The following FOXN4 variants were observed in gnomAD, a reference collection of about 807,000 sequenced individuals.
FOXN4 encodes the protein forkhead box protein N4.
FOXN4 carries 12 observed loss-of-function variants against 45.0 expected under a neutral mutation model. The observed-to-expected ratio is 0.27, with a 90% CI of 0.17 to 0.43. The LOEUF (loss-of-function observed/expected upper bound fraction) is 0.43. FOXN4 is among the 20% of genes least tolerant of loss of function. The pLI, the probability that FOXN4 is intolerant of heterozygous loss-of-function variation, is 1.00. For synonymous variants in FOXN4, 297 were observed against 295.0 expected (o/e 1.01, Z -0.07); for missense variants, 560 against 694.9 (o/e 0.81, Z 2.18).
chr12:109,305,878 C>A (rs1566006344), intron 2 of FOXN4, among the ~76,000 whole-genome samples: 3 of 152,200 alleles, frequency 2.0e-5, no homozygotes, highest in Non-Finnish European at 4.4e-5. Flanking sequence ...CTCCTCCCCA[C>A]TCCCCAACTC....
At chr12:109,307,584 G>T (rs529639695) in intron 2 of FOXN4, among the ~76,000 whole-genome samples, 123 of 152,218 alleles carry the variant, frequency 8.1e-4, no homozygotes, top group Admixed American at 2.2e-3. Flanking sequence ...TATGATGTTT[G>T]AAGACAAAAA....
intron 2 of FOXN4, among the ~76,000 whole-genome samples, chr12:109,304,278 A>G (rs1246567673): frequency 1.0e-3 from 84 of 83,720 alleles, no homozygotes; most frequent in African/African-American, 3.8e-3. Flanking sequence ...AAAGAAAGAA[A>G]GAAAGAAAGA....
rs200038706 is a variant in FOXN4, at chr12:109,281,833, A to C, written c.902-34T>G. 27 of 1,520,748 alleles carry C rather than the reference A, an allele frequency of 1.8e-5. No individual in the cohort carries two copies. The African/African-American group carries it at 3.6e-4, about 20-fold the overall frequency. The allele number at this position is 1,520,748 out of a possible 1,614,324, so 94.2% of individuals were successfully genotyped here. On this transcript the variant is annotated intron_variant, in intron 8 of 9. Transcript: ENST00000299162. ...AAGTGGGAGAGGTCACTCAGAACCC[A>C]CCCAGCAGTTACCGGGCCCCAGCCC...
intron 2 of FOXN4, among the ~76,000 whole-genome samples, chr12:109,303,919 A>C (rs1313523574): frequency 6.6e-6 from 1 of 152,094 alleles, no homozygotes; most frequent in Non-Finnish European, 1.5e-5. Flanking sequence ...TTACTATAAA[A>C]AAGTGGCACG....
At chr12:109,297,393 T>G (rs186970296) in intron 2 of FOXN4, among the ~76,000 whole-genome samples, 39 of 152,360 alleles carry the variant, frequency 2.6e-4, no homozygotes, top group Admixed American at 2.3e-3. Context: ...CAGGCTGGAG[T>G]GCAGTGGCAT....
chr12:109,304,221 G>GAA (rs1555244327), intron 2 of FOXN4, among the ~76,000 whole-genome samples: 2 of 82,480 alleles, frequency 2.4e-5, no homozygotes, highest in Non-Finnish European at 4.6e-5. Context: ...AGAAAAGAAA[G>GAA]AGAAAGAAAG....
In FOXN4 at chr12:109,287,983, G is replaced by C; in HGVS notation, c.358-29C>G. On this transcript the variant is annotated intron_variant, in intron 4 of 9. Transcript: ENST00000299162. This position sits in a 1 kb window ranked among gnomAD's most constrained non-coding sequence, Gnocchi z 4.1. ...CTGGGCAGGAAGAGGAGGAGACAGA[G>C]GGTCACGGTGGGGGTAGACACCCAG... The C allele has an allele frequency of 6.5e-7, 1 of 1,549,658 alleles. No homozygotes were observed. Among genetic ancestry groups the C allele is most frequent in the African/African-American group, 1.4e-5 (1 of 73,176 alleles).
Position 109,281,464 on chromosome 12 carries a change from C to T in FOXN4, c.1237G>A (p.Asp413Asn), listed in dbSNP as rs369321450. 184 of 1,613,842 alleles carry T rather than the reference C, an allele frequency of 1.1e-4. No homozygotes were observed. Among genetic ancestry groups the T allele is most frequent in the Non-Finnish European group, 1.2e-4 (139 of 1,179,904 alleles). The change falls in exon 9 of 10, where the codon GAC becomes AAC. Residue 413 changes from aspartate to asparagine, a missense_variant. By Grantham distance (23) the Asp-to-Asn change is conservative. This residue lies in a region of FOXN4 where 315 missense variants were observed against 350.5 expected (regional missense o/e 0.90). Transcript: ENST00000299162. Reference protein sequence around the residue: ...APVDFINISTDMNTEVDALDP... With the variant: ...APVDFINISTNMNTEVDALDP... ...AGGGCATCCACCTCAGTGTTCATGT[C>T]GGTGCTGATGTTGATGAAGTCTACA...
chr12:109,300,763 G>A (rs1215301593), intron 2 of FOXN4, among the ~76,000 whole-genome samples: 1 of 152,066 alleles, frequency 6.6e-6, no homozygotes, highest in East Asian at 1.9e-4. Context: ...TTTTAAATTA[G>A]CCAGGCATGG....
At chr12:109,284,566 T>C (rs527610850) in intron 8 of FOXN4, among the ~76,000 whole-genome samples, 106 of 151,588 alleles carry the variant, frequency 7.0e-4, no homozygotes, top group African/African-American at 2.4e-3. Context: ...CACGTGTGTG[T>C]GCGTGCGTGT....
Position 109,278,762 on chromosome 12 carries a change from G to T in FOXN4, c.*909C>A, listed in dbSNP as rs2047626957. On this transcript the variant is annotated 3_prime_UTR_variant, in exon 10 of 10. Transcript: ENST00000299162. ...ACATGCAAGAAGAGATGTGAATCATGAACAGGTAGAAAAATATCTGGTCTC... is the reference window on the plus strand; with the variant it reads ...ACATGCAAGAAGAGATGTGAATCATTAACAGGTAGAAAAATATCTGGTCTC... The T allele has an allele frequency of 6.6e-6, 1 of 151,970 alleles. No homozygotes were observed. The highest frequency in any genetic ancestry group is 2.4e-5 in the African/African-American group (1 of 41,358). The allele number at this position is 151,970 out of a possible 1,614,324, so 9.4% of individuals were successfully genotyped here.
Position 109,288,043 on chromosome 12 carries a change from C to T in FOXN4, c.357+13G>A. 5.2e-6 allele frequency: 8 copies of T among 1,550,290 alleles called. No homozygotes were observed. The highest frequency in any genetic ancestry group is 2.4e-5 in the South Asian group (2 of 83,988). On this transcript the variant is annotated intron_variant, in intron 4 of 9. Transcript: ENST00000299162. The surrounding 1 kb of genome is among the most constrained non-coding windows in gnomAD (Gnocchi z 4.3). ...CACTACCCGCCCTCCGCAGTCCATG[C>T]AGTGCCACTTACGCTGTCTCTGTGG...
At chr12:109,297,258 A>T (rs1038255778) in intron 2 of FOXN4, among the ~76,000 whole-genome samples, 1 of 152,398 alleles carries the variant, frequency 6.6e-6, no homozygotes, top group South Asian at 2.1e-4. Context: ...CAGCGGCATT[A>T]GATTCTCACG....
In FOXN4 at chr12:109,281,923, A is replaced by G. The variant is rs375408256; in HGVS notation, c.902-124T>C. 799 of 1,122,592 alleles carry G rather than the reference A, an allele frequency of 7.1e-4. 12 individuals are homozygous for G. The South Asian group carries it at 0.012, about 18-fold the overall frequency. The allele number at this position is 1,122,592 out of a possible 1,614,324, so 69.5% of individuals were successfully genotyped here. A position where few individuals can be genotyped will look rare whatever the true frequency, so the allele number is the denominator to read the frequency against. The stretch of plus-strand genomic sequence containing the variant: ...CTTAGCAAGCCTCTTGGACACTCAG[A>G]ACCTCTGTCTCCTCACCTATGAAAT... On this transcript the variant is annotated intron_variant, in intron 8 of 9. Coordinates refer to ENST00000299162, the MANE Select transcript of FOXN4 (RefSeq NM_213596.3).
chr12:109,288,330 G>GGGAA lies in FOXN4; in HGVS notation c.233-151_233-150insTTCC. 1 of 1,125,564 alleles carries GGGAA rather than the reference G, an allele frequency of 8.9e-7. No homozygotes were observed. Among genetic ancestry groups the GGGAA allele is most frequent in the Non-Finnish European group, 1.2e-6 (1 of 815,706 alleles). The allele number at this position is 1,125,564 out of a possible 1,614,324, so 69.7% of individuals were successfully genotyped here. A position where few individuals can be genotyped will look rare whatever the true frequency, so the allele number is the denominator to read the frequency against. On this transcript the variant is annotated intron_variant, in intron 3 of 9. Coordinates refer to ENST00000299162, the MANE Select transcript of FOXN4 (RefSeq NM_213596.3). This position sits in a 1 kb window ranked among gnomAD's most constrained non-coding sequence, Gnocchi z 4.3. ...TAGGTGCTTGGCAAATCACTTCCCTGGTGTGTAGTGAAAAGTAGGTTCTTA... is the reference window on the plus strand; with the variant it reads ...TAGGTGCTTGGCAAATCACTTCCCTGGGAAGTGTGTAGTGAAAAGTAGGTTCTTA...
intron 8 of FOXN4, among the ~76,000 whole-genome samples, chr12:109,283,664 T>TG (rs1349091793): frequency 3.9e-5 from 6 of 152,034 alleles, no homozygotes. Flanking sequence ...TTAGTAGAGA[T>TG]GGGGTTTCAC....
chr12:109,300,308 G>A (rs1375792487), intron 2 of FOXN4, among the ~76,000 whole-genome samples: 1 of 152,172 alleles, frequency 6.6e-6, no homozygotes, highest in African/African-American at 2.4e-5. Context: ...ATAACTTTCT[G>A]ATTGACGCCA....
rs746934651 is a variant in FOXN4 at position 109,288,186 on chromosome 12, G to A, written c.233-6C>T. The A allele has an allele frequency of 1.9e-5, 30 of 1,547,610 alleles. No individual in the cohort carries two copies. Among genetic ancestry groups the A allele is most frequent in the African/African-American group, 4.1e-5 (3 of 72,864 alleles). On this transcript the variant is annotated splice_region_variant and splice_polypyrimidine_tract_variant and intron_variant, in intron 3 of 9. Coordinates refer to ENST00000299162, the MANE Select transcript of FOXN4 (RefSeq NM_213596.3). The surrounding 1 kb of genome is among the most constrained non-coding windows in gnomAD (Gnocchi z 4.3). ...GGCCACCCCAGCCAAGGCACCTGCC[G>A]GAGAGAAGCACAGAGACGCTGCTGG...
At chr12:109,299,483 G>A (rs985202407) in intron 2 of FOXN4, among the ~76,000 whole-genome samples, 19 of 152,168 alleles carry the variant, frequency 1.2e-4, no homozygotes, top group Admixed American at 9.8e-4. Flanking sequence ...AGATAGGAAA[G>A]GTGAGGTCAA....
Sources: gnomAD v4.1 joint callset for allele counts (sites outside exome capture counted in the v4.1 genomes callset) on GRCh38, gnomAD v4.1.1 for gene constraint, gnomAD v4.1.1 regional missense constraint, Gnocchi (gnomAD v3.1) non-coding constraint, MANE v1.5 for transcripts, NCBI Gene and HGNC (gene_info 2026-07-23, HGNC 2026-07-21) for gene names.